The following SLC17A6 variants were observed in gnomAD, a reference collection of about 807,000 sequenced individuals.
SLC17A6 encodes the protein solute carrier family 17 member 6, also known as vesicular glutamate transporter 2.
A neutral mutation model predicts 67.1 loss-of-function variants in SLC17A6; 35 were observed. That is an observed-to-expected ratio of 0.52 (90% CI 0.40 to 0.69). The LOEUF (loss-of-function observed/expected upper bound fraction) is 0.69. Ranked by LOEUF, SLC17A6 falls within the 30% of genes least tolerant of loss-of-function variation. The pLI is 0.00. For synonymous variants in SLC17A6, 285 were observed against 252.3 expected, an observed-to-expected ratio of 1.13 and a Z score of -1.23; for missense variants, 588 against 723.9, an observed-to-expected ratio of 0.81 and a Z score of 2.15.
chr11:22,357,923 A>G (rs1031713454), intron 3 of SLC17A6, among the ~76,000 whole-genome samples: 3 of 152,202 alleles, frequency 2.0e-5, no homozygotes, highest in African/African-American at 7.2e-5. Flanking sequence ...GAGAGAAGCC[A>G]CTAAGGGAAG....
intron 7 of SLC17A6, 119 bp downstream of exon 7, chr11:22,365,808 T>C (rs1856105619): frequency 7.3e-6 from 8 of 1,095,498 alleles, no homozygotes; most frequent in Middle Eastern, 3.1e-4. Flanking sequence ...TCATAACTTC[T>C]TTTATTTTGG....
intron 5 of SLC17A6, among the ~76,000 whole-genome samples, chr11:22,361,603 T>G (rs1451567053): frequency 6.6e-6 from 1 of 152,202 alleles, no homozygotes; most frequent in African/African-American, 2.4e-5. Flanking sequence ...CTTTTATTTT[T>G]GGGATCAAAA....
At chr11:22,375,219 A>C (rs1390129978) in intron 9 of SLC17A6, among the ~76,000 whole-genome samples, 3 of 151,532 alleles carry the variant, frequency 2.0e-5, no homozygotes, top group Non-Finnish European at 4.4e-5. Flanking sequence ...AAAAACACAA[A>C]AAATTAGCTG....
intron 3 of SLC17A6, among the ~76,000 whole-genome samples, chr11:22,346,167 A>G (rs973082569): frequency 6.6e-6 from 1 of 152,160 alleles, no homozygotes; most frequent in Non-Finnish European, 1.5e-5. Flanking sequence ...GGTGTAAAAG[A>G]GTCTCACTTT....
At position 22,377,900 on chromosome 11, in the gene SLC17A6, T is replaced by G. The variant is rs919724805; in HGVS notation, c.*160T>G. On this transcript the variant is annotated 3_prime_UTR_variant, in exon 12 of 12. Coordinates refer to ENST00000263160, the MANE Select transcript of SLC17A6 (RefSeq NM_020346.3). ...ACAAACCCATGAGGTTACCATCAAG[T>G]GCAATCTGTAAAATTGTGAAGTTCC... 1.7e-6 allele frequency: 1 copy of G among 591,282 alleles called. No individual in the cohort carries two copies. The highest frequency in any genetic ancestry group is 2.9e-5 in the East Asian group (1 of 34,366). 36.6% of individuals were successfully genotyped at this position (591,282 alleles called of 1,614,324 possible).
chr11:22,342,384 C>T (rs894348226), intron 2 of SLC17A6, among the ~76,000 whole-genome samples: 3 of 152,088 alleles, frequency 2.0e-5, no homozygotes, highest in South Asian at 2.1e-4. Context: ...CCCCAGCTGC[C>T]GTAAACCAGA....
Position 22,370,451 on chromosome 11 carries a change from G to A in SLC17A6, c.1041+263G>A, listed in dbSNP as rs539654553. On this transcript the variant is annotated intron_variant, in intron 8 of 11. Transcript: ENST00000263160. ...CTTCATGGAACTTAGAGCCCAGTTG[G>A]AGCGAGCAGCGGTGTAATCTTTTCC... 2.6e-5 allele frequency among the ~76,000 whole-genome samples: 4 copies of A among 152,176 alleles called. No homozygotes were observed. The East Asian group carries it at 7.7e-4, about 29-fold the overall frequency.
intron 3 of SLC17A6, among the ~76,000 whole-genome samples, chr11:22,356,680 C>CA (rs1329901499): frequency 1.3e-5 from 2 of 151,980 alleles, no homozygotes; most frequent in African/African-American, 2.4e-5. Context: ...ACTAAAAATA[C>CA]AAAAAATTAG....
At chr11:22,357,725 G>A (rs1446132892) in intron 3 of SLC17A6, among the ~76,000 whole-genome samples, 8 of 152,122 alleles carry the variant, frequency 5.3e-5, no homozygotes, top group Non-Finnish European at 7.3e-5. Flanking sequence ...TTTATTCATC[G>A]TACCTCTAAA....
In SLC17A6 at chr11:22,359,468, G is replaced by A; in HGVS notation, c.514G>A (p.Ala172Thr). 1 of 1,604,006 alleles carries A rather than the reference G, an allele frequency of 6.2e-7. No homozygotes were observed. The highest frequency in any genetic ancestry group is 8.5e-7 in the Non-Finnish European group (1 of 1,174,762). The change falls in exon 4 of 12, where the codon GCA becomes ACA. Residue 172 changes from alanine (A) to threonine (T), a missense_variant. Coordinates refer to ENST00000263160, the MANE Select transcript of SLC17A6 (RefSeq NM_020346.3). ...TSTLNMLIPS[A>T]ARVHYGCVIF... ...TACCCTAAATATGCTAATTCCATCA[G>A]CAGCCAGAGTGCATTATGGATGTGT...
At position 22,365,675 on chromosome 11, in the gene SLC17A6, T is replaced by A; in HGVS notation, c.877T>A (p.Leu293Ile). 6.2e-7 allele frequency: 1 copy of A among 1,613,258 alleles called. No homozygotes were observed. The highest frequency in any genetic ancestry group is 1.3e-5 in the African/African-American group (1 of 74,994). The change falls in exon 7 of 12, where the codon TTA (leucine) becomes ATA (isoleucine). Residue 293 changes from leucine (L) to isoleucine (I), a missense_variant. Leu to Ile is a conservative substitution (Grantham distance 5). This residue lies in a region of SLC17A6 where 414 missense variants were observed against 563.4 expected (regional missense o/e 0.73). Coordinates refer to ENST00000263160, the MANE Select transcript of SLC17A6 (RefSeq NM_020346.3). ...AAGCATTGGAGAGAGTGCAAATCTTTTAGGTGCAATGGAAGTAAGAAATTT... is the reference window on the plus strand; with the variant it reads ...AAGCATTGGAGAGAGTGCAAATCTTATAGGTGCAATGGAAGTAAGAAATTT... ...EESIGESANL[L>I]GAMEKFKTPW...
chr11:22,344,179 A>G (rs1333307691), intron 3 of SLC17A6, among the ~76,000 whole-genome samples: 1 of 152,172 alleles, frequency 6.6e-6, no homozygotes, highest in Non-Finnish European at 1.5e-5. Context: ...TGTTGAACCC[A>G]CACAGAACAC....
chr11:22,361,908 TG>T (rs377656648), intron 5 of SLC17A6, among the ~76,000 whole-genome samples: 16 of 152,326 alleles, frequency 1.1e-4, no homozygotes, highest in African/African-American at 3.8e-4. Context: ...GCTGTGATTT[TG>T]CTGTATACTT....
At chr11:22,374,076 T>A (rs1441138995) in intron 8 of SLC17A6, among the ~76,000 whole-genome samples, 3 of 152,166 alleles carry the variant, frequency 2.0e-5, no homozygotes, top group Non-Finnish European at 4.4e-5. Flanking sequence ...CCCATAATGC[T>A]TACAACACAG....
At chr11:22,357,819 T>C (rs915353627) in intron 3 of SLC17A6, among the ~76,000 whole-genome samples, 13 of 152,318 alleles carry the variant, frequency 8.5e-5, no homozygotes, top group Middle Eastern at 3.4e-3. Context: ...AAATTATCTT[T>C]GGCTTAAAAC....
In SLC17A6 at chr11:22,377,598, T is replaced by C. The variant is rs772692491; in HGVS notation, c.1607T>C (p.Ile536Thr). The C allele has an allele frequency of 6.2e-7, 1 of 1,614,156 alleles. No homozygotes were observed. Among genetic ancestry groups the C allele is most frequent in the South Asian group, 1.1e-5 (1 of 91,084 alleles). Reference sequence around the variant, plus strand: ...ACAGGGGACATTACTCAAAATTATATAAATTATGGTACCACCAAGTCTTAT... The same window carrying C: ...ACAGGGGACATTACTCAAAATTATACAAATTATGGTACCACCAAGTCTTAT... ...EETGDITQNY[I>T]NYGTTKSYGA... Residue 536 changes from isoleucine (I) to threonine (T), a missense_variant, in exon 12 of 12, where the codon ATA becomes ACA. Physicochemically the swap from Ile to Thr is moderately conservative, Grantham distance 89 (BLOSUM62 -1). Coordinates refer to ENST00000263160, the MANE Select transcript of SLC17A6 (RefSeq NM_020346.3).
chr11:22,375,946 A>T (rs757754853), intron 9 of SLC17A6, 36 bp from the exon 10 acceptor site: 2 of 1,536,360 alleles, frequency 1.3e-6, no homozygotes, highest in South Asian at 2.5e-5. Context: ...AAATTTCAAA[A>T]ATTTCTGAAG....
intron 1 of SLC17A6, among the ~76,000 whole-genome samples, chr11:22,339,220 A>G (rs1347769124): frequency 6.8e-6 from 1 of 146,276 alleles, no homozygotes; most frequent in African/African-American, 2.5e-5. Flanking sequence ...AGAGAGAGAG[A>G]AAGAGAGAGG....
At chr11:22,357,088 G>T (rs184998862) in intron 3 of SLC17A6, among the ~76,000 whole-genome samples, 31 of 152,136 alleles carry the variant, frequency 2.0e-4, no homozygotes, top group Admixed American at 3.9e-4. Context: ...AAACTCATTG[G>T]GTTTTAAATA....
Sources: gnomAD v4.1 joint callset for allele counts (sites outside exome capture counted in the v4.1 genomes callset) on GRCh38, gnomAD v4.1.1 for gene constraint, gnomAD v4.1.1 regional missense constraint, MANE v1.5 for transcripts, NCBI Gene and HGNC (gene_info 2026-07-23, HGNC 2026-07-21) for gene names.